The following PLEKHA5 variants were observed in gnomAD, a reference collection of about 807,000 sequenced individuals.
The protein encoded by PLEKHA5 is pleckstrin homology domain-containing family A member 5.
In PLEKHA5, 55 loss-of-function variants were observed where a neutral mutation model predicts 181.9. The observed-to-expected ratio is 0.30, with a 90% confidence interval of 0.24 to 0.38. The LOEUF (loss-of-function observed/expected upper bound fraction) is 0.38. Ranked by LOEUF, PLEKHA5 falls within the 10% of genes least tolerant of loss-of-function variation. The pLI is 1.00. For missense variants in PLEKHA5, 1,432 were observed against 1,549.5 expected, an observed-to-expected ratio of 0.92 and a Z score of 1.27; for synonymous variants, 535 against 529.4, an observed-to-expected ratio of 1.01 and a Z score of -0.15.
intron 15 of PLEKHA5, among the ~76,000 whole-genome samples, chr12:19,305,953 G>C (rs369699024): frequency 6.6e-6 from 1 of 150,524 alleles, no homozygotes; most frequent in East Asian, 2.0e-4. Context: ...GGTGGCGCAC[G>C]CCTGTAATCC....
intron 3 of PLEKHA5, among the ~76,000 whole-genome samples, chr12:19,223,285 A>G (rs1365674116): frequency 6.6e-6 from 1 of 152,128 alleles, no homozygotes; most frequent in Non-Finnish European, 1.5e-5. Flanking sequence ...AAAATCCATC[A>G]GATATGAAAG....
intron 3 of PLEKHA5, among the ~76,000 whole-genome samples, chr12:19,218,023 A>C (rs1460371246): frequency 6.6e-6 from 1 of 152,220 alleles, no homozygotes; most frequent in Non-Finnish European, 1.5e-5. Flanking sequence ...GACTGCCTCA[A>C]GATTGTTGGA....
At position 19,342,382 on chromosome 12, in the gene PLEKHA5, C is replaced by T. The variant is rs777547598; in HGVS notation, c.2551-941C>T. Among the ~76,000 whole-genome samples the T allele has an allele frequency of 3.3e-5, 5 of 152,010 alleles. No individual in the cohort carries two copies. The East Asian group carries it at 5.8e-4, about 18-fold the overall frequency. ...TTTAGAAGTAAGAAAATTGGCCGGG[C>T]GCGGTGGCTCACACCTGTAATCCCA... is the stretch of plus-strand genomic sequence containing the variant. On this transcript the variant is annotated intron_variant, in intron 21 of 31. Coordinates refer to ENST00000429027, the MANE Select transcript of PLEKHA5 (RefSeq NM_001256470.2).
At chr12:19,339,510 G>T (rs2093698410) in intron 21 of PLEKHA5, among the ~76,000 whole-genome samples, 2 of 152,132 alleles carry the variant, frequency 1.3e-5, no homozygotes, top group African/African-American at 4.8e-5. Flanking sequence ...AATTAATGGA[G>T]AGGTGTAATT....
At chr12:19,269,022 A>AC (rs2071576361) in intron 8 of PLEKHA5, among the ~76,000 whole-genome samples, 1 of 152,158 alleles carries the variant, frequency 6.6e-6, no homozygotes, top group Non-Finnish European at 1.5e-5. Context: ...AAATGCCATA[A>AC]CATGTACATT....
intron 22 of PLEKHA5, among the ~76,000 whole-genome samples, 182 bp downstream of exon 22, chr12:19,343,616 T>C (rs1387592846): frequency 3.3e-5 from 5 of 152,178 alleles, no homozygotes; most frequent in Non-Finnish European, 7.3e-5. Context: ...ATATAGCTTA[T>C]TGCTCCCAGG....
At chr12:19,239,753 C>G (rs1355140396) in intron 3 of PLEKHA5, among the ~76,000 whole-genome samples, 2 of 152,150 alleles carry the variant, frequency 1.3e-5, no homozygotes, top group Non-Finnish European at 2.9e-5. Context: ...GAACTCCAGC[C>G]ACATCTGACT....
At chr12:19,142,210 G>A (rs1452830582) in intron 3 of PLEKHA5, among the ~76,000 whole-genome samples, 1 of 151,190 alleles carries the variant, frequency 6.6e-6, no homozygotes, top group African/African-American at 2.4e-5. Context: ...AAAAAAAATT[G>A]TTTTTTTAAT....
At chr12:19,354,517 C>G (rs1370872500) in intron 26 of PLEKHA5, among the ~76,000 whole-genome samples, 1 of 135,600 alleles carries the variant, frequency 7.4e-6, no homozygotes, top group African/African-American at 2.8e-5. Context: ...GTCTCGCTCT[C>G]TCGCCTGGGC....
intron 13 of PLEKHA5, chr12:19,287,995 T>C: frequency 8.8e-6 from 2 of 226,328 alleles, no homozygotes; most frequent in Non-Finnish European, 1.7e-5. Flanking sequence ...GGAGAATCAC[T>C]TGAACCCAGG....
chr12:19,211,386 G>A (rs1565471406), intron 3 of PLEKHA5, among the ~76,000 whole-genome samples: 2 of 152,058 alleles, frequency 1.3e-5, no homozygotes, highest in African/African-American at 4.8e-5. Context: ...GCAGTCACAA[G>A]TGTCCTTAGA....
intron 3 of PLEKHA5, among the ~76,000 whole-genome samples, chr12:19,191,954 A>G (rs1403730801): frequency 6.6e-6 from 1 of 152,022 alleles, no homozygotes; most frequent in Non-Finnish European, 1.5e-5. Context: ...GTCATATTTT[A>G]TTGGTGAAAA....
At chr12:19,134,935 T>G (rs2035161139) in intron 3 of PLEKHA5, among the ~76,000 whole-genome samples, 1 of 152,124 alleles carries the variant, frequency 6.6e-6, no homozygotes, top group Admixed American at 6.6e-5. Context: ...CATTTCTTTC[T>G]CAGATGAAGA....
rs199962575 is a variant in PLEKHA5 at position 19,290,691 on chromosome 12, G to T, written c.1878G>T (p.Thr626=). The T allele has an allele frequency of 6.5e-6, 10 of 1,534,408 alleles. No homozygotes were observed. Among genetic ancestry groups the T allele is most frequent in the Non-Finnish European group, 8.7e-6 (10 of 1,145,722 alleles). ...SLQGKTPEEL[T]LLLIKLRRQQ... is the part of the protein sequence containing the mutation. ...TACTCCTTCAGCCAGAGGAGCTTAC[G>T]CTGCTGCTAATAAAGCTGAGACGGC... The change falls in exon 14 of 32, where the codon ACG becomes ACT. Residue 626 remains threonine (T), a synonymous_variant. Coordinates refer to ENST00000429027, the MANE Select transcript of PLEKHA5 (RefSeq NM_001256470.2).
rs1462775696 is a variant in PLEKHA5 at position 19,274,790 on chromosome 12, C to G, written c.1120C>G (p.Pro374Ala). The G allele has an allele frequency of 6.2e-7, 1 of 1,614,128 alleles. No homozygotes were observed. The change falls in exon 11 of 32, where the codon CCA becomes GCA. Residue 374 changes from proline to alanine, a missense_variant. This residue lies in a region of PLEKHA5 where 1,143 missense variants were observed against 1,168.4 expected (regional missense o/e 0.98). Coordinates refer to ENST00000429027, the MANE Select transcript of PLEKHA5 (RefSeq NM_001256470.2). ...CCCTGCTCAGACTGTGCACTACAGACCAATCAACTTGAGCAGTTCAGAGAA... is the reference window on the plus strand; with the variant it reads ...CCCTGCTCAGACTGTGCACTACAGAGCAATCAACTTGAGCAGTTCAGAGAA... Reference protein sequence around the residue: ...ACPAQTVHYRPINLSSSENKI... With the variant: ...ACPAQTVHYRAINLSSSENKI...
intron 3 of PLEKHA5, among the ~76,000 whole-genome samples, chr12:19,186,364 G>A (rs185003992): frequency 6.6e-6 from 1 of 152,292 alleles, no homozygotes; most frequent in East Asian, 1.9e-4. Context: ...TTCTAAGTTA[G>A]GTTGGCCACA....
intron 24 of PLEKHA5, 26 bp from the exon 25 acceptor site, chr12:19,348,373 G>A: frequency 6.5e-7 from 1 of 1,543,136 alleles, no homozygotes; most frequent in South Asian, 1.2e-5. Context: ...CAGTTTTTTA[G>A]GGTAATTACA....
chr12:19,325,282 T>C (rs1046439120), intron 20 of PLEKHA5, among the ~76,000 whole-genome samples: 2 of 152,090 alleles, frequency 1.3e-5, no homozygotes, highest in African/African-American at 4.8e-5. Flanking sequence ...TCCTAGCTAC[T>C]TAGGAGACTG....
In PLEKHA5 at chr12:19,173,095, C is replaced by T. The variant is rs542150983; in HGVS notation, c.227+40645C>T. ...GCGGACTGCAGTGGCGCAATCTCGGCTCACTGCAAGCTCCACTTCCTGGGT... is the reference window on the plus strand; with the variant it reads ...GCGGACTGCAGTGGCGCAATCTCGGTTCACTGCAAGCTCCACTTCCTGGGT... On this transcript the variant is annotated intron_variant, in intron 3 of 31. Coordinates refer to ENST00000429027, the MANE Select transcript of PLEKHA5 (RefSeq NM_001256470.2). 1.8e-4 allele frequency among the ~76,000 whole-genome samples: 23 copies of T among 128,232 alleles called. No homozygotes were observed. In the East Asian group the frequency reaches 5.7e-3, roughly 32 times the overall value. 84.1% of individuals were successfully genotyped at this position (128,232 alleles called of 152,430 possible).
Sources: allele counts gnomAD v4.1 joint callset (sites outside exome capture counted in the v4.1 genomes callset), GRCh38; gene constraint gnomAD v4.1.1; regional missense constraint gnomAD v4.1.1; transcripts MANE v1.5; gene names NCBI Gene and HGNC (gene_info 2026-07-23, HGNC 2026-07-21).